LHFPL2: variants seen among roughly 807,000 people sequenced by gnomAD.
LHFPL2 encodes LHFPL tetraspan subfamily member 2 protein.
LHFPL2 carries 7 observed loss-of-function variants against 17.5 expected under a neutral mutation model. The observed-to-expected ratio is 0.40, with a 90% CI of 0.23 to 0.75. LHFPL2 has a LOEUF of 0.75. Among genes scored for constraint, LHFPL2 ranks in the 30% least tolerant of loss-of-function variants. The probability of loss-of-function intolerance (pLI) is 0.37; values close to 1 mark genes in which losing one functional copy is unlikely to be tolerated. For missense variants in LHFPL2, 241 were observed against 294.8 expected, an observed-to-expected ratio of 0.82 and a Z score of 1.34; for synonymous variants, 134 against 116.2, an observed-to-expected ratio of 1.15 and a Z score of -0.99.
At chr5:78,620,640 C>A (rs1429397671) in intron 2 of LHFPL2, among the ~76,000 whole-genome samples, 1 of 152,170 alleles carries the variant, frequency 6.6e-6, no homozygotes, top group African/African-American at 2.4e-5. Context: ...AAGCAAGGTT[C>A]TACTGGCATC....
intron 4 of LHFPL2, among the ~76,000 whole-genome samples, chr5:78,507,396 C>T (rs896715287): frequency 1.3e-5 from 2 of 151,674 alleles, no homozygotes; most frequent in African/African-American, 4.8e-5. Flanking sequence ...ACCTGAGAGC[C>T]ATACTAATCT....
At chr5:78,647,781 T>C (rs897471415) in intron 1 of LHFPL2, among the ~76,000 whole-genome samples, 1 of 151,896 alleles carries the variant, frequency 6.6e-6, no homozygotes, top group African/African-American at 2.4e-5. Flanking sequence ...GAAAATCCTT[T>C]GCTTTTCTAA....
intron 3 of LHFPL2, among the ~76,000 whole-genome samples, chr5:78,548,716 A>G (rs1285938848): frequency 1.3e-5 from 2 of 152,176 alleles, no homozygotes; most frequent in Non-Finnish European, 2.9e-5. Flanking sequence ...CACCTTTCCT[A>G]GGCAGCACTG....
At chr5:78,587,098 G>A (rs1463579504) in intron 2 of LHFPL2, among the ~76,000 whole-genome samples, 1 of 151,964 alleles carries the variant, frequency 6.6e-6, no homozygotes, top group Non-Finnish European at 1.5e-5. Context: ...ATTTCTTATA[G>A]TCAGTCATCT....
In LHFPL2 at chr5:78,485,716, A is replaced by G. The variant is rs1442771689; in HGVS notation, c.*3181T>C. ...AAAGCATGTTAAGAAATAGCTCCTC[A>G]GTGATTATGTACCAGCTACTAGTTA... On this transcript the variant is annotated 3_prime_UTR_variant, in exon 5 of 5. Coordinates refer to ENST00000380345, the MANE Select transcript of LHFPL2 (RefSeq NM_005779.3). 6.6e-6 allele frequency: 1 copy of G among 152,664 alleles called. No homozygotes were observed. The highest frequency in any genetic ancestry group is 1.5e-5 in the Non-Finnish European group (1 of 68,042). 9.5% of individuals were successfully genotyped at this position (152,664 alleles called of 1,614,324 possible). A position where few individuals can be genotyped will look rare whatever the true frequency, so the allele number is the denominator to read the frequency against.
At chr5:78,561,144 C>T (rs1415680094) in intron 3 of LHFPL2, among the ~76,000 whole-genome samples, 1 of 152,160 alleles carries the variant, frequency 6.6e-6, no homozygotes, top group African/African-American at 2.4e-5. Context: ...AAATTTCCAT[C>T]AGGAATAATT....
In LHFPL2 at chr5:78,488,783, C is replaced by T. The variant is rs994949198; in HGVS notation, c.*114G>A. 4.0e-5 allele frequency: 49 copies of T among 1,231,334 alleles called. No homozygotes were observed. The African/African-American group carries it at 6.4e-4, about 16-fold the overall frequency. The allele number at this position is 1,231,334 out of a possible 1,614,324, so 76.3% of individuals were successfully genotyped here. A position where few individuals can be genotyped will look rare whatever the true frequency, so the allele number is the denominator to read the frequency against. ...CATTGGTCCTGTTTAAGCCTCGGGC[C>T]GTGGAACGTGGCTTTGGTAGGTAAA... On this transcript the variant is annotated 3_prime_UTR_variant, in exon 5 of 5. Coordinates refer to ENST00000380345, the MANE Select transcript of LHFPL2 (RefSeq NM_005779.3).
intron 1 of LHFPL2, among the ~76,000 whole-genome samples, chr5:78,647,785 T>C (rs1362048293): frequency 6.6e-6 from 1 of 152,008 alleles, no homozygotes; most frequent in East Asian, 1.9e-4. Context: ...ATCCTTTGCT[T>C]TTCTAAGTTC....
intron 3 of LHFPL2, among the ~76,000 whole-genome samples, chr5:78,549,736 C>T (rs925023925): frequency 6.6e-6 from 1 of 152,174 alleles, no homozygotes; most frequent in African/African-American, 2.4e-5. Context: ...TAGAACAGTT[C>T]CAGTTGAATA....
intron 2 of LHFPL2, among the ~76,000 whole-genome samples, chr5:78,594,807 A>G (rs1480705344): frequency 1.3e-5 from 2 of 152,248 alleles, no homozygotes; most frequent in South Asian, 2.1e-4. Context: ...TGATTCTAGA[A>G]AGCCAAACAG....
chr5:78,580,616 T>A (rs1358539500), intron 2 of LHFPL2, among the ~76,000 whole-genome samples: 1 of 126,014 alleles, frequency 7.9e-6, no homozygotes, highest in African/African-American at 2.6e-5. Flanking sequence ...CTTTCCCCAT[T>A]GCTTGTTTTT....
intron 4 of LHFPL2, among the ~76,000 whole-genome samples, chr5:78,497,559 GT>G (rs1754646355): frequency 6.6e-6 from 1 of 152,226 alleles, no homozygotes; most frequent in African/African-American, 2.4e-5. Context: ...GGTCTGACAT[GT>G]AACAGGTGCT....
intron 2 of LHFPL2, among the ~76,000 whole-genome samples, chr5:78,630,651 G>A (rs1444725006): frequency 1.3e-5 from 2 of 151,988 alleles, no homozygotes; most frequent in African/African-American, 4.8e-5. Flanking sequence ...AAACCACGGG[G>A]AAGTGACTAC....
intron 3 of LHFPL2, among the ~76,000 whole-genome samples, chr5:78,549,668 G>C (rs933702943): frequency 2.0e-5 from 3 of 152,202 alleles, no homozygotes; most frequent in Non-Finnish European, 4.4e-5. Context: ...TAGAGGCGGA[G>C]GAAGACCACT....
At chr5:78,514,417 G>C (rs1755229619) in intron 3 of LHFPL2, among the ~76,000 whole-genome samples, 1 of 151,876 alleles carries the variant, frequency 6.6e-6, no homozygotes, top group African/African-American at 2.4e-5. Flanking sequence ...CCAGAGAATA[G>C]GGAGCAAAGA....
chr5:78,608,250 C>T (rs1186514120), intron 2 of LHFPL2, among the ~76,000 whole-genome samples: 1 of 152,180 alleles, frequency 6.6e-6, no homozygotes, highest in Non-Finnish European at 1.5e-5. Context: ...GAAGATTATA[C>T]CTTCAAATAA....
At chr5:78,551,598 C>CA (rs1253043441) in intron 3 of LHFPL2, among the ~76,000 whole-genome samples, 15 of 152,078 alleles carry the variant, frequency 9.9e-5, no homozygotes, top group African/African-American at 3.4e-4. Context: ...AACAACACCC[C>CA]AAAACGAAGC....
chr5:78,515,533 T>C (rs1389659020), intron 3 of LHFPL2, among the ~76,000 whole-genome samples: 1 of 152,226 alleles, frequency 6.6e-6, no homozygotes, highest in Non-Finnish European at 1.5e-5. Flanking sequence ...CCCCGTTTCT[T>C]CTGCAAGGAT....
At chr5:78,560,708 A>G (rs1756702646) in intron 3 of LHFPL2, among the ~76,000 whole-genome samples, 1 of 151,192 alleles carries the variant, frequency 6.6e-6, no homozygotes, top group African/African-American at 2.4e-5. Flanking sequence ...TTTGCTATGC[A>G]TTTTTTCTTT....
Sources: allele counts gnomAD v4.1 joint callset (sites outside exome capture counted in the v4.1 genomes callset), GRCh38; gene constraint gnomAD v4.1.1; transcripts MANE v1.5; gene names NCBI Gene and HGNC (gene_info 2026-07-23, HGNC 2026-07-21).